Variants in GSG1L observed in about 807,000 individuals in gnomAD.
GSG1L encodes the protein GSG1 like.
In GSG1L, 24 loss-of-function variants were observed where a neutral mutation model predicts 42.1. That is an observed-to-expected ratio of 0.57 (90% CI 0.41 to 0.80). GSG1L has a LOEUF of 0.80. Ranked by LOEUF, GSG1L falls within the 30% of genes least tolerant of loss-of-function variation. The pLI, the probability that GSG1L is intolerant of heterozygous loss-of-function variation, is 0.00. For synonymous variants in GSG1L, 215 were observed against 203.5 expected (o/e 1.06, Z -0.48); for missense variants, 445 against 472.2 (o/e 0.94, Z 0.53).
At chr16:27,809,485 G>A (rs2083005513) in intron 5 of GSG1L, among the ~76,000 whole-genome samples, 7 of 152,006 alleles carry the variant, frequency 4.6e-5, no homozygotes, top group Admixed American at 4.6e-4. Context: ...GGCTGAGGTG[G>A]GAGGATCGCT....
intron 1 of GSG1L, among the ~76,000 whole-genome samples, chr16:28,005,166 T>C (rs1186877109): frequency 6.6e-6 from 1 of 152,084 alleles, no homozygotes; most frequent in East Asian, 1.9e-4. Flanking sequence ...CAGGCTGGAG[T>C]GCAATGGTGC....
At chr16:28,023,017 T>A in intron 1 of GSG1L, among the ~76,000 whole-genome samples, 1 of 152,018 alleles carries the variant, frequency 6.6e-6, no homozygotes, top group Admixed American at 6.6e-5. Context: ...TATAGAGAGA[T>A]GAGGTCTCAC....
rs540801389 is a variant in GSG1L, at chr16:27,901,309, G to A, written c.398-16671C>T. ...TGTGGTGGAAAAAATCTGTGATTTC[G>A]ATTGGTGTCAAAGCCCCAGGTGCAT... On this transcript the variant is annotated intron_variant, in intron 2 of 6. Transcript: ENST00000447459. Among the ~76,000 whole-genome samples, 11 of 152,208 alleles carry A rather than the reference G, an allele frequency of 7.2e-5. No homozygotes were observed. In the South Asian group the frequency reaches 2.3e-3, roughly 32 times the overall value.
intron 1 of GSG1L, among the ~76,000 whole-genome samples, chr16:27,969,331 T>G (rs1162594474): frequency 6.6e-6 from 1 of 152,164 alleles, no homozygotes; most frequent in African/African-American, 2.4e-5. Context: ...TCTCTATAGA[T>G]TCACCTAGTC....
intron 1 of GSG1L, among the ~76,000 whole-genome samples, chr16:28,060,548 T>C (rs1293151827): frequency 1.3e-5 from 2 of 151,772 alleles, no homozygotes; most frequent in Middle Eastern, 6.3e-3. Flanking sequence ...TCCGCATTTC[T>C]AACTGAGTTT....
chr16:28,030,800 A>ATGGGATGG (rs2085951407), intron 1 of GSG1L, among the ~76,000 whole-genome samples: 1 of 55,632 alleles, frequency 1.8e-5, no homozygotes, highest in Non-Finnish European at 3.3e-5. Flanking sequence ...GGATGGGATG[A>ATGGGATGG]GATAAGTTGT....
intron 2 of GSG1L, among the ~76,000 whole-genome samples, chr16:27,961,655 T>C (rs1361835173): frequency 1.3e-5 from 2 of 152,188 alleles, no homozygotes; most frequent in African/African-American, 4.8e-5. Context: ...TCAACAAATA[T>C]CAGCCATGCA....
intron 3 of GSG1L, among the ~76,000 whole-genome samples, chr16:27,851,579 G>T (rs572434334): frequency 3.9e-5 from 6 of 152,264 alleles, no homozygotes; most frequent in African/African-American, 1.4e-4. Context: ...GGAAGTGGGG[G>T]TTGAGGAGCG....
chr16:28,051,778 C>T (rs205408), intron 1 of GSG1L, among the ~76,000 whole-genome samples: 28,339 of 152,112 alleles, frequency 0.19, 3,207 homozygotes, highest in South Asian at 0.44. Flanking sequence ...CAGAGAGTAA[C>T]GGGGCAGGTG....
intron 1 of GSG1L, among the ~76,000 whole-genome samples, chr16:28,028,279 GC>G (rs1316958070): frequency 6.6e-6 from 1 of 152,246 alleles, no homozygotes; most frequent in Non-Finnish European, 1.5e-5. Context: ...CTAGACCCGT[GC>G]CAGGCAGGTA....
At chr16:27,979,653 AAG>A (rs2085291754) in intron 1 of GSG1L, among the ~76,000 whole-genome samples, 1 of 66,652 alleles carries the variant, frequency 1.5e-5, no homozygotes, top group African/African-American at 6.4e-5. Context: ...GAAAGAAAGA[AAG>A]AAAGAAAGAG....
At chr16:27,889,121 C>T (rs962826316) in intron 2 of GSG1L, among the ~76,000 whole-genome samples, 1 of 151,198 alleles carries the variant, frequency 6.6e-6, no homozygotes, top group Admixed American at 6.6e-5. Flanking sequence ...GTAGTTGTGA[C>T]TAAAGGTAAG....
chr16:27,818,481 G>A (rs1011113122), intron 5 of GSG1L, among the ~76,000 whole-genome samples: 3 of 152,066 alleles, frequency 2.0e-5, no homozygotes, highest in Non-Finnish European at 4.4e-5. Context: ...AATGAACGGC[G>A]ATTTCAAAGG....
chr16:28,009,049 TC>T (rs2141153681), intron 1 of GSG1L, among the ~76,000 whole-genome samples: 1 of 152,256 alleles, frequency 6.6e-6, no homozygotes, highest in East Asian at 1.9e-4. Flanking sequence ...CCTCAAGTGA[TC>T]CGCCCGCCTT....
At chr16:27,904,822 T>C (rs1205968348) in intron 2 of GSG1L, among the ~76,000 whole-genome samples, 1 of 152,148 alleles carries the variant, frequency 6.6e-6, no homozygotes, top group African/African-American at 2.4e-5. Context: ...TGGGGGTGAA[T>C]GCTCTGCTTC....
chr16:27,803,653 A>T (rs2082909656), intron 6 of GSG1L, among the ~76,000 whole-genome samples: 1 of 151,858 alleles, frequency 6.6e-6, no homozygotes, highest in Non-Finnish European at 1.5e-5. Flanking sequence ...CGCCACCATC[A>T]TGTCTCCCAA....
chr16:27,894,502 C>T (rs1474996022), intron 2 of GSG1L, among the ~76,000 whole-genome samples: 1 of 152,202 alleles, frequency 6.6e-6, no homozygotes, highest in Non-Finnish European at 1.5e-5. Flanking sequence ...TTTAATACAT[C>T]AAATCAATAA....
chr16:27,947,598 A>AAAGAAAGG, intron 2 of GSG1L, among the ~76,000 whole-genome samples: 1 of 74,754 alleles, frequency 1.3e-5, no homozygotes, highest in South Asian at 3.9e-4. Flanking sequence ...AGAAAGAAAG[A>AAAGAAAGG]AAAAGAAAGA....
chr16:27,929,287 G>A (rs77722008), intron 2 of GSG1L, among the ~76,000 whole-genome samples: 6,875 of 152,192 alleles, frequency 0.045, 228 homozygotes, highest in Middle Eastern at 0.14. Flanking sequence ...CCCAACCCTC[G>A]GTCCTGATGG....
Sources: gnomAD v4.1 joint callset for allele counts (sites outside exome capture counted in the v4.1 genomes callset) on GRCh38, gnomAD v4.1.1 for gene constraint, MANE v1.5 for transcripts, NCBI Gene and HGNC (gene_info 2026-07-23, HGNC 2026-07-21) for gene names.